Variants in TMPRSS9 observed in about 807,000 individuals in gnomAD.
TMPRSS9 encodes the protein transmembrane serine protease 9.
In TMPRSS9, 113 loss-of-function variants were observed where a neutral mutation model predicts 111.4. The ratio of observed to expected loss-of-function variants is 1.01; its 90% CI spans 0.87 to 1.19. The LOEUF is 1.19. Ranked by LOEUF, TMPRSS9 falls within the 50% of genes most tolerant of loss-of-function variation. The pLI is 0.00. For missense variants in TMPRSS9, 1,803 were observed against 1,513.1 expected (o/e 1.19, Z -3.18); for synonymous variants, 805 against 659.1 (o/e 1.22, Z -3.39).
intron 1 of TMPRSS9, among the ~76,000 whole-genome samples, chr19:2,372,578 A>T (rs1453259868): frequency 6.6e-6 from 1 of 152,100 alleles, no homozygotes; most frequent in Admixed American, 6.6e-5. Context: ...AGTGTGAAGG[A>T]CCTTCCAGAA....
chr19:2,364,406 G>C (rs183527683), intron 1 of TMPRSS9, among the ~76,000 whole-genome samples: 2 of 152,002 alleles, frequency 1.3e-5, no homozygotes, highest in Non-Finnish European at 2.9e-5. Flanking sequence ...ACTGCATAAG[G>C]CTTCCTTTGT....
chr19:2,385,209 C>T (rs1044838756), upstream of TMPRSS9, among the ~76,000 whole-genome samples: 10 of 2,826 alleles, frequency 3.5e-3, no homozygotes, highest in Non-Finnish European at 7.3e-3. Context: ...CTCGAGGGGG[C>T]GGGGCTCGAG....
chr19:2,363,455 G>A (rs372801199), intron 1 of TMPRSS9, among the ~76,000 whole-genome samples: 2 of 150,702 alleles, frequency 1.3e-5, no homozygotes, highest in East Asian at 2.0e-4. Flanking sequence ...AGGCAAAGGC[G>A]TCCCTTCTCT....
At chr19:2,368,520 C>T (rs977526074) in intron 1 of TMPRSS9, among the ~76,000 whole-genome samples, 6 of 152,048 alleles carry the variant, frequency 3.9e-5, no homozygotes, top group East Asian at 1.9e-4. Flanking sequence ...TAGACCCGGT[C>T]GCTGTGGGGA....
In TMPRSS9 at chr19:2,368,774, G is replaced by GTTTT. The variant is rs762761358; in HGVS notation, c.-26+8438_-26+8441dup. On this transcript the variant is annotated intron_variant, in intron 1 of 17. Coordinates refer to the TMPRSS9 transcript ENST00000649857. ...TGCCAGGGCATCAAGGATAAACCCA[G>GTTTT]TTTTTTTTTTTTTTTTTTTTTTTTT... 3.3e-3 allele frequency among the ~76,000 whole-genome samples: 233 copies of GTTTT among 70,370 alleles called. 31 individuals carry two copies. Among genetic ancestry groups the GTTTT allele is most frequent in the East Asian group, 0.025 (50 of 1,994 alleles). The allele number at this position is 70,370 out of a possible 152,430, so 46.2% of individuals were successfully genotyped here. A position where few individuals can be genotyped will look rare whatever the true frequency, so the allele number is the denominator to read the frequency against.
intron 7 of TMPRSS9, among the ~76,000 whole-genome samples, chr19:2,406,491 TA>T (rs1970972881): frequency 8.0e-6 from 1 of 125,490 alleles, no homozygotes; most frequent in South Asian, 2.5e-4. Context: ...CATGCCTGGC[TA>T]ATTTTTTTTT....
At chr19:2,361,455 C>CGGAGCCGCTTCTGA (rs1970198131) in intron 1 of TMPRSS9, among the ~76,000 whole-genome samples, 1 of 151,770 alleles carries the variant, frequency 6.6e-6, no homozygotes, top group East Asian at 1.9e-4. Context: ...TTCTCACCCT[C>CGGAGCCGCTTCTGA]GGAGCCGCTT....
chr19:2,362,296 ATAG>A (rs1970207012), intron 1 of TMPRSS9, among the ~76,000 whole-genome samples: 2 of 151,778 alleles, frequency 1.3e-5, no homozygotes, highest in African/African-American at 4.8e-5. Context: ...GTGGTTGCGT[ATAG>A]TTATGTCATG....
chr19:2,390,169 A>G (rs1049235466), intron 1 of TMPRSS9, among the ~76,000 whole-genome samples: 1 of 151,994 alleles, frequency 6.6e-6, no homozygotes, highest in Admixed American at 6.6e-5. Flanking sequence ...GGTGACAGAG[A>G]AACAGAGACA....
chr19:2,367,665 A>G (rs894999371), intron 1 of TMPRSS9, among the ~76,000 whole-genome samples: 2 of 149,956 alleles, frequency 1.3e-5, no homozygotes, highest in African/African-American at 2.5e-5. Context: ...CCGGGTTGAC[A>G]CCATTCTCCT....
chr19:2,397,948 C>T (rs952726769), intron 2 of TMPRSS9, among the ~76,000 whole-genome samples: 7 of 119,880 alleles, frequency 5.8e-5, no homozygotes, highest in South Asian at 2.7e-4. Context: ...ATAGGCTGGG[C>T]GTGGTGGCTC....
At chr19:2,406,176 A>C (rs904429108) in intron 7 of TMPRSS9, among the ~76,000 whole-genome samples, 2 of 148,924 alleles carry the variant, frequency 1.3e-5, no homozygotes, top group South Asian at 2.1e-4. Context: ...ACGCCCAGCT[A>C]ATTTAATTTT....
intron 15 of TMPRSS9, 83 bp from the exon 17 acceptor site, chr19:2,424,915 TGCCA>T (rs1971570341): frequency 3.5e-5 from 47 of 1,352,556 alleles, no homozygotes; most frequent in Middle Eastern, 2.8e-4. Flanking sequence ...CTGCCCAGGG[TGCCA>T]GCCGGCCGCT....
intron 1 of TMPRSS9, among the ~76,000 whole-genome samples, chr19:2,394,803 G>A (rs1599289905): frequency 1.3e-5 from 2 of 151,876 alleles, no homozygotes; most frequent in Non-Finnish European, 1.5e-5. Context: ...TTGCGCTGGT[G>A]TGCACTTCTG....
In TMPRSS9 at chr19:2,379,181, CTTTTT is replaced by C. The variant is rs919990556; in HGVS notation, c.-25-10562_-25-10558del. 7.0e-5 allele frequency among the ~76,000 whole-genome samples: 7 copies of C among 99,408 alleles called. 1 individual carries two copies. The highest frequency in any genetic ancestry group is 3.6e-4 in the Admixed American group (3 of 8,328). 65.2% of individuals were successfully genotyped at this position (99,408 alleles called of 152,430 possible). A position where few individuals can be genotyped will look rare whatever the true frequency, so the allele number is the denominator to read the frequency against. ...TAAGACAAAGCCTGAGCTTCTTTCTCTTTTTTTTTTTTTTTTTTTTTTGAGACAGA... is the reference window on the plus strand; with the variant it reads ...TAAGACAAAGCCTGAGCTTCTTTCTCTTTTTTTTTTTTTTTTTGAGACAGA... On this transcript the variant is annotated intron_variant, in intron 1 of 17. Transcript: ENST00000649857.
intron 15 of TMPRSS9, among the ~76,000 whole-genome samples, chr19:2,424,626 C>A (rs1971559910): frequency 6.6e-6 from 1 of 152,016 alleles, no homozygotes; most frequent in South Asian, 2.1e-4. Flanking sequence ...TCCAGCCCCC[C>A]AAAGCCCACC....
At chr19:2,399,260 A>G (rs1970777922) in intron 4 of TMPRSS9, 67 bp downstream of exon 5, 4 of 1,499,824 alleles carry the variant, frequency 2.7e-6, no homozygotes, top group Non-Finnish European at 3.6e-6. Context: ...GCTGCAAGAT[A>G]CATTTTGATA....
chr19:2,362,900 G>T (rs917691998), intron 1 of TMPRSS9, among the ~76,000 whole-genome samples: 1 of 151,706 alleles, frequency 6.6e-6, no homozygotes, highest in Non-Finnish European at 1.5e-5. Context: ...TTGGTTGTGT[G>T]AGGTTGTGTG....
chr19:2,405,792 G>A (rs1402210160), intron 7 of TMPRSS9, among the ~76,000 whole-genome samples: 1 of 147,124 alleles, frequency 6.8e-6, no homozygotes. Context: ...TGCAAGCTCC[G>A]CCTCCTGGGT....
Sources: allele counts gnomAD v4.1 joint callset (sites outside exome capture counted in the v4.1 genomes callset), GRCh38; gene constraint gnomAD v4.1.1; transcripts MANE v1.5; gene names NCBI Gene and HGNC (gene_info 2026-07-23, HGNC 2026-07-21).